NUP188: variants seen among roughly 807,000 people sequenced by gnomAD.
NUP188 encodes nucleoporin NUP188.
Under a neutral mutation model 223.0 loss-of-function variants are expected in NUP188, and 97 were observed. That is an observed-to-expected ratio of 0.43 (90% CI 0.37 to 0.51). The LOEUF (loss-of-function observed/expected upper bound fraction) is 0.51, where lower values mean the gene tolerates loss of function less well. NUP188 is among the 20% of genes least tolerant of loss of function. The probability of loss-of-function intolerance (pLI) is 0.00; values close to 1 mark genes in which losing one functional copy is unlikely to be tolerated. For synonymous variants in NUP188, 869 were observed against 828.0 expected, an observed-to-expected ratio of 1.05 and a Z score of -0.85; for missense variants, 1,947 against 2,175.6, an observed-to-expected ratio of 0.89 and a Z score of 2.09.
intron 8 of NUP188, among the ~76,000 whole-genome samples, chr9:128,966,406 T>C (rs1424801533): frequency 1.3e-5 from 2 of 151,442 alleles, no homozygotes; most frequent in Admixed American, 6.6e-5. Flanking sequence ...AGACAGGTTC[T>C]TTCTCTGTTG....
In NUP188 at chr9:128,969,479, C is replaced by A; in HGVS notation, c.877C>A (p.Leu293Met). The A allele has an allele frequency of 6.3e-7, 1 of 1,591,728 alleles. No individual in the cohort carries two copies. Among genetic ancestry groups the A allele is most frequent in the African/African-American group, 1.4e-5 (1 of 73,496 alleles). ...HKCALDDRRE[L>M]HQFAQDGLIC... The stretch of plus-strand genomic sequence containing the variant: ...GTGTGCTTTGGATGACAGAAGAGAA[C>A]TGCATCAGTTTGCGCAGGATGGGCT... The change falls in exon 10 of 44, where the codon CTG becomes ATG. Residue 293 changes from leucine to methionine, a missense_variant. Leu to Met is a conservative substitution (Grantham distance 15). Coordinates refer to ENST00000372577, the MANE Select transcript of NUP188 (RefSeq NM_015354.3).
Position 128,961,583 on chromosome 9 carries a change from T to TAG in NUP188, c.585+2450_585+2451insGA, listed in dbSNP as rs1415797189. 5.2e-3 allele frequency among the ~76,000 whole-genome samples: 717 copies of TAG among 137,226 alleles called. 8 individuals carry two copies. Among genetic ancestry groups the TAG allele is most frequent in the African/African-American group, 0.022 (641 of 29,536 alleles). 90.0% of individuals were successfully genotyped at this position (137,226 alleles called of 152,430 possible). A position where few individuals can be genotyped will look rare whatever the true frequency, so the allele number is the denominator to read the frequency against. On this transcript the variant is annotated intron_variant, in intron 8 of 43. Transcript: ENST00000372577. The stretch of plus-strand genomic sequence containing the variant: ...ATATATATCTATATCTATATCTATC[T>TAG]ATCTATCTAGATAGATAGATAGATA...
chr9:128,959,597 A>T (rs960095158), intron 8 of NUP188, among the ~76,000 whole-genome samples: 1 of 149,768 alleles, frequency 6.7e-6, no homozygotes, highest in Non-Finnish European at 1.5e-5. Flanking sequence ...CAATGGCACA[A>T]TCTCAGCTCA....
rs181511112 is a variant in NUP188 at position 128,982,453 on chromosome 9, G to A, written c.1517-96G>A. 1.5e-3 allele frequency: 1,635 copies of A among 1,117,084 alleles called. 3 individuals carry two copies. The highest frequency in any genetic ancestry group is 2.8e-3 in the Middle Eastern group (11 of 3,950). The allele number at this position is 1,117,084 out of a possible 1,614,324, so 69.2% of individuals were successfully genotyped here. A position where few individuals can be genotyped will look rare whatever the true frequency, so the allele number is the denominator to read the frequency against. Reference sequence around the variant, plus strand: ...AAAAAAAAAAAATGTCTGTGAGTTTGTGTATCTCTGTGTGTTTAAAATATT... The same window carrying A: ...AAAAAAAAAAAATGTCTGTGAGTTTATGTATCTCTGTGTGTTTAAAATATT... On this transcript the variant is annotated intron_variant, in intron 15 of 43. Coordinates refer to ENST00000372577, the MANE Select transcript of NUP188 (RefSeq NM_015354.3).
chr9:128,959,503 A>G (rs1841916754), intron 8 of NUP188, among the ~76,000 whole-genome samples: 1 of 145,766 alleles, frequency 6.9e-6, no homozygotes, highest in Non-Finnish European at 1.5e-5. Context: ...TTATTTATTC[A>G]TTCATTTAAA....
intron 30 of NUP188, among the ~76,000 whole-genome samples, chr9:128,997,143 T>G (rs879941035): frequency 3.9e-5 from 6 of 152,182 alleles, no homozygotes; most frequent in Non-Finnish European, 8.8e-5. Flanking sequence ...GAGCTGAATG[T>G]GTGAAGAAGC....
At chr9:128,957,385 A>G (rs959608556) in intron 5 of NUP188, among the ~76,000 whole-genome samples, 1 of 152,218 alleles carries the variant, frequency 6.6e-6, no homozygotes, top group Non-Finnish European at 1.5e-5. Flanking sequence ...ATCTGTCTTC[A>G]TACTTGGAGG....
intron 41 of NUP188, 133 bp downstream of exon 41, chr9:129,005,909 G>C: frequency 7.1e-7 from 1 of 1,413,640 alleles, no homozygotes; most frequent in Admixed American, 1.9e-5. Context: ...AACTGAACAT[G>C]ACAGCACCTC....
Position 128,991,274 on chromosome 9 carries a change from T to G in NUP188, c.2640+1048T>G, listed in dbSNP as rs374983974. The stretch of plus-strand genomic sequence containing the variant: ...AAAAGTATCGGCTGGGCGCTGTGGC[T>G]CACACCTGTAATCCCAGTACTTTGG... On this transcript the variant is annotated intron_variant, in intron 25 of 43. Transcript: ENST00000372577. Among the ~76,000 whole-genome samples, 33 of 151,814 alleles carry G rather than the reference T, an allele frequency of 2.2e-4. No individual in the cohort carries two copies. The East Asian group carries it at 4.8e-3, about 22-fold the overall frequency.
intron 5 of NUP188, 67 bp downstream of exon 5, chr9:128,957,099 T>G (rs1167064911): frequency 1.7e-6 from 2 of 1,164,354 alleles, no homozygotes; most frequent in African/African-American, 3.1e-5. Context: ...TTAGATAATG[T>G]AGGATTTTGG....
rs982106774 is a variant in NUP188, at chr9:128,994,775, C to T, written c.3088-81C>T. The T allele has an allele frequency of 1.4e-5, 16 of 1,173,400 alleles. No homozygotes were observed. The African/African-American group carries it at 2.0e-4, about 15-fold the overall frequency. 72.7% of individuals were successfully genotyped at this position (1,173,400 alleles called of 1,614,324 possible). A position where few individuals can be genotyped will look rare whatever the true frequency, so the allele number is the denominator to read the frequency against. On this transcript the variant is annotated intron_variant, in intron 28 of 43. Coordinates refer to ENST00000372577, the MANE Select transcript of NUP188 (RefSeq NM_015354.3). ...TAACTTGTTCTGCAAGTGTTGGGCC[C>T]CTGCTCTGTTCCCTGTTTGATATAC...
Position 128,970,874 on chromosome 9 carries a change from G to A in NUP188, c.1029G>A (p.Arg343=), listed in dbSNP as rs964755665. The change falls in exon 11 of 44, where the codon CGG becomes CGA. Residue 343 remains arginine, a synonymous_variant. Coordinates refer to ENST00000372577, the MANE Select transcript of NUP188 (RefSeq NM_015354.3). The stretch of plus-strand genomic sequence containing the variant: ...CAGAAGAGACAAGCAGTGTGGTCCG[G>A]AAGATAGGTGGCACAGCCATCCAGC... ...LNPEETSSVV[R]KIGGTAIQLN... is the part of the protein sequence containing the mutation. The A allele has an allele frequency of 6.2e-6, 10 of 1,614,048 alleles. No homozygotes were observed. Among genetic ancestry groups the A allele is most frequent in the Non-Finnish European group, 7.6e-6 (9 of 1,180,048 alleles).
intron 13 of NUP188, among the ~76,000 whole-genome samples, 159 bp downstream of exon 13, chr9:128,979,486 C>G (rs566581028): frequency 7.9e-5 from 12 of 152,326 alleles, no homozygotes; most frequent in Non-Finnish European, 1.5e-4. Context: ...AATGTGATGA[C>G]ACATGACACT....
chr9:128,948,754 C>T (rs1841730883), intron 1 of NUP188: 1 of 106,136 alleles, frequency 9.4e-6, no homozygotes, highest in Non-Finnish European at 1.7e-5. Context: ...GAGACGGAGT[C>T]TCGCTCTGTC....
In NUP188 at chr9:128,956,937, A is replaced by G. The variant is rs768688297; in HGVS notation, c.247-15A>G. On this transcript the variant is annotated splice_polypyrimidine_tract_variant and intron_variant, in intron 4 of 43. Transcript: ENST00000372577. ...ATTTCTGAGCTGTTCCTTACTTAAAATCTCTGTGTTTCAGGGTCTTGATGA... is the reference window on the plus strand; with the variant it reads ...ATTTCTGAGCTGTTCCTTACTTAAAGTCTCTGTGTTTCAGGGTCTTGATGA... 14 of 1,588,870 alleles carry G rather than the reference A, an allele frequency of 8.8e-6. No homozygotes were observed. The South Asian group carries it at 1.6e-4, about 18-fold the overall frequency.
rs1274931351 is a variant in NUP188 at position 128,981,372 on chromosome 9, A to G, written c.1498A>G (p.Lys500Glu). ...AACTCTTTGGCGGAGACAAACACCC[A>G]AACTCCTTTATCCCCTTGGTGAGAT... ...DGTLWRRQTP[K>E]LLYPLGGQTN... The change falls in exon 15 of 44, where the codon AAA (lysine) becomes GAA (glutamate). Residue 500 changes from lysine (K) to glutamate (E), a missense_variant. Lys to Glu is a moderately conservative substitution (Grantham distance 56). Transcript: ENST00000372577. 1 of 1,613,782 alleles carries G rather than the reference A, an allele frequency of 6.2e-7. No homozygotes were observed. The highest frequency in any genetic ancestry group is 8.5e-7 in the Non-Finnish European group (1 of 1,179,902).
In NUP188 at chr9:128,964,904, C is replaced by T. The variant is rs1359910359; in HGVS notation, c.586-3602C>T. On this transcript the variant is annotated intron_variant, in intron 8 of 43. Transcript: ENST00000372577. ...GTTATTTTTAGTAGAGATGGGGTTT[C>T]GCCATGTTGGCCAGGCTAGTCTCAC... Among the ~76,000 whole-genome samples the T allele has an allele frequency of 9.9e-5, 15 of 151,702 alleles. 1 individual carries two copies. Among genetic ancestry groups the T allele is most frequent in the Non-Finnish European group, 1.8e-4 (12 of 67,946 alleles).
At position 128,995,515 on chromosome 9, in the gene NUP188, G is replaced by A. The variant is rs1407633248; in HGVS notation, c.3351+1G>A. The A allele has an allele frequency of 1.3e-6, 2 of 1,579,160 alleles. No individual in the cohort carries two copies. Among genetic ancestry groups the A allele is most frequent in the Admixed American group, 1.8e-5 (1 of 54,416 alleles). On this transcript the variant is annotated splice_donor_variant, in intron 30 of 43. Transcript: ENST00000372577. LOFTEE classifies it high-confidence loss of function. Reference sequence around the variant, plus strand: ...GCTTCTCATCATTGCCACCACTCATGTAAGACCCTTTTGGGGAGAGTTTTC... The same window carrying A: ...GCTTCTCATCATTGCCACCACTCATATAAGACCCTTTTGGGGAGAGTTTTC...
intron 15 of NUP188, among the ~76,000 whole-genome samples, chr9:128,981,876 G>A (rs1011606066): frequency 3.3e-5 from 5 of 152,188 alleles, no homozygotes; most frequent in African/African-American, 7.2e-5. Flanking sequence ...TCGGGAGTTC[G>A]AGACCAGCCT....
Sources: gnomAD v4.1 joint callset for allele counts (sites outside exome capture counted in the v4.1 genomes callset) on GRCh38, gnomAD v4.1.1 for gene constraint, MANE v1.5 for transcripts, NCBI Gene and HGNC (gene_info 2026-07-23, HGNC 2026-07-21) for gene names.